Variants in ANKRD60 observed in about 807,000 individuals in gnomAD.
The protein encoded by ANKRD60 is ankyrin repeat domain 60, also known as ankyrin repeat domain-containing protein 60.
ANKRD60 carries 24 observed loss-of-function variants against 21.3 expected under a neutral mutation model. That is an observed-to-expected ratio of 1.13 (90% CI 0.82 to 1.59). The LOEUF (loss-of-function observed/expected upper bound fraction) is 1.59. ANKRD60 is among the 40% of genes most tolerant of loss of function. The probability of loss-of-function intolerance (pLI) is 0.00; values close to 1 mark genes in which losing one functional copy is unlikely to be tolerated. For missense variants in ANKRD60, 490 were observed against 466.7 expected, an observed-to-expected ratio of 1.05 and a Z score of -0.46; for synonymous variants, 182 against 199.4, an observed-to-expected ratio of 0.91 and a Z score of 0.74.
chr20:58,219,461 C>T (rs1050827227), intron 3 of ANKRD60, among the ~76,000 whole-genome samples: 1 of 152,132 alleles, frequency 6.6e-6, no homozygotes, highest in Admixed American at 6.5e-5. Context: ...ATCCCGAGCA[C>T]ATAGCTCAGT....
intron 3 of ANKRD60, among the ~76,000 whole-genome samples, chr20:58,220,183 G>C (rs903221185): frequency 2.6e-5 from 4 of 152,166 alleles, no homozygotes; most frequent in Non-Finnish European, 5.9e-5. Flanking sequence ...CATGGGAAAG[G>C]CCCCTCCTGA....
chr20:58,224,781 T>C (rs1436450410), intron 1 of ANKRD60, among the ~76,000 whole-genome samples: 1 of 152,244 alleles, frequency 6.6e-6, no homozygotes, highest in Non-Finnish European at 1.5e-5. Context: ...TCCCACATGC[T>C]GAACAGCCCC....
chr20:58,224,900 C>T lies in ANKRD60; in HGVS notation c.431-1718G>A, dbSNP rs146511447. 1.3e-4 allele frequency among the ~76,000 whole-genome samples: 20 copies of T among 152,272 alleles called. No individual in the cohort carries two copies. In the East Asian group the frequency reaches 1.7e-3, roughly 13 times the overall value. ...ATAAATTATCACAGTTGACAACAGA[C>T]GTGTAAGGGCAACCCTGGCCCATGG... On this transcript the variant is annotated intron_variant, in intron 1 of 3. Transcript: ENST00000457363.
intron 1 of ANKRD60, among the ~76,000 whole-genome samples, chr20:58,227,426 A>T (rs1298704728): frequency 6.6e-6 from 1 of 152,036 alleles, no homozygotes; most frequent in African/African-American, 2.4e-5. Context: ...TGAGGTAGTC[A>T]TGGGTAGCCT....
At chr20:58,217,201 G>C (rs1394654219), downstream of ANKRD60, among the ~76,000 whole-genome samples, 2 of 152,112 alleles carry the variant, frequency 1.3e-5, no homozygotes, top group Non-Finnish European at 2.9e-5. Flanking sequence ...GAGGCCGAGG[G>C]GGGCAGATCA....
Position 58,228,136 on chromosome 20 carries a change from G to GT in ANKRD60, c.430+87dup. 7.6e-7 allele frequency: 1 copy of GT among 1,323,000 alleles called. No individual in the cohort carries two copies. Among genetic ancestry groups the GT allele is most frequent in the East Asian group, 2.6e-5 (1 of 38,328 alleles). 82.0% of individuals were successfully genotyped at this position (1,323,000 alleles called of 1,614,324 possible). On this transcript the variant is annotated intron_variant, in intron 1 of 3. Coordinates refer to ENST00000457363, the Ensembl canonical transcript of ANKRD60. This position sits in a 1 kb window ranked among gnomAD's most constrained non-coding sequence, Gnocchi z 5.3. ...TGCTTTGACATCTGGGGTTTCTCACGTAAGCAGGCTTCCCTTTGGGAATCC... is the reference window on the plus strand; with the variant it reads ...TGCTTTGACATCTGGGGTTTCTCACGTTAAGCAGGCTTCCCTTTGGGAATCC...
chr20:58,219,687 A>G (rs142611036), intron 3 of ANKRD60, among the ~76,000 whole-genome samples: 67 of 152,356 alleles, frequency 4.4e-4, no homozygotes, highest in African/African-American at 1.5e-3. Context: ...TTCAGTAGCC[A>G]GTTTTTATGA....
At chr20:58,227,741 T>TA (rs1984394092) in intron 1 of ANKRD60, among the ~76,000 whole-genome samples, 1 of 152,134 alleles carries the variant, frequency 6.6e-6, no homozygotes, top group Non-Finnish European at 1.5e-5. Context: ...GGGTTTGCTT[T>TA]GAGTTTGGGG....
rs1984399360 is a variant in ANKRD60, at chr20:58,228,020, G to A, written c.430+204C>T. Among the ~76,000 whole-genome samples, 1 of 152,080 alleles carries A rather than the reference G, an allele frequency of 6.6e-6. No individual in the cohort carries two copies. Among genetic ancestry groups the A allele is most frequent in the Non-Finnish European group, 1.5e-5 (1 of 68,006 alleles). On this transcript the variant is annotated intron_variant, in intron 1 of 3. Coordinates refer to ENST00000457363, the Ensembl canonical transcript of ANKRD60. This position sits in a 1 kb window ranked among gnomAD's most constrained non-coding sequence, Gnocchi z 5.3. Reference sequence around the variant, plus strand: ...CCTTGATTGGGAGTCCAATTTGAACGCCGTGTGTTTGAGATTGGGAAGTCC... The same window carrying A: ...CCTTGATTGGGAGTCCAATTTGAACACCGTGTGTTTGAGATTGGGAAGTCC...
intron 3 of ANKRD60, among the ~76,000 whole-genome samples, chr20:58,219,624 G>T (rs923559185): frequency 5.9e-5 from 9 of 152,192 alleles, no homozygotes; most frequent in Non-Finnish European, 1.3e-4. Context: ...TCAAATTCTG[G>T]ATAACAAATA....
downstream of ANKRD60, among the ~76,000 whole-genome samples, chr20:58,216,178 A>C (rs55985440): frequency 0.038 from 5,825 of 152,308 alleles, 173 homozygotes; most frequent in Middle Eastern, 0.099. Flanking sequence ...AGACTTGTTG[A>C]ATATAAATAG....
rs920634345 is a variant in ANKRD60, at chr20:58,221,417, C to T, written c.648G>A (p.Thr216=). 3.7e-5 allele frequency: 58 copies of T among 1,552,210 alleles called. No individual in the cohort carries two copies. The African/African-American group carries it at 6.2e-4, about 16-fold the overall frequency. ...ACAACGCCACAAACGCCCTCTGAGA[C>T]GTCCAGTGCTTCCACTTCTCACCCT... is the stretch of plus-strand genomic sequence containing the variant. The change falls in exon 3 of 4, where the codon ACG becomes ACA. Residue 216 remains threonine, a synonymous_variant. Transcript: ENST00000457363.
At chr20:58,227,121 G>A (rs983683180) in intron 1 of ANKRD60, among the ~76,000 whole-genome samples, 1 of 152,042 alleles carries the variant, frequency 6.6e-6, no homozygotes, top group Non-Finnish European at 1.5e-5. Flanking sequence ...ACATGGTTGT[G>A]GAGGATTCGG....
intron 1 of ANKRD60, among the ~76,000 whole-genome samples, chr20:58,226,342 G>A (rs539876244): frequency 6.6e-6 from 1 of 152,234 alleles, no homozygotes; most frequent in East Asian, 1.9e-4. Flanking sequence ...GGGATCTGAT[G>A]TAGCCCCGAG....
At chr20:58,226,913 G>C (rs183699811) in intron 1 of ANKRD60, among the ~76,000 whole-genome samples, 1 of 152,220 alleles carries the variant, frequency 6.6e-6, no homozygotes, top group East Asian at 1.9e-4. Flanking sequence ...TGCACAAATG[G>C]TTAGTTGGAG....
intron 3 of ANKRD60, among the ~76,000 whole-genome samples, chr20:58,220,412 C>T (rs1568836633): frequency 6.6e-6 from 1 of 151,536 alleles, no homozygotes; most frequent in Non-Finnish European, 1.5e-5. Context: ...GAGTGTACAC[C>T]TATGGAATAC....
chr20:58,222,522 T>A (rs1984279817), intron 2 of ANKRD60, among the ~76,000 whole-genome samples: 1 of 152,194 alleles, frequency 6.6e-6, no homozygotes, highest in Non-Finnish European at 1.5e-5. Flanking sequence ...ATCTTCCCTG[T>A]TGGGTACACA....
At chr20:58,224,995 C>T (rs1001552078) in intron 1 of ANKRD60, among the ~76,000 whole-genome samples, 4 of 152,166 alleles carry the variant, frequency 2.6e-5, no homozygotes, top group African/African-American at 9.7e-5. Flanking sequence ...TCTCCCCCCG[C>T]CCCAAATTTT....
chr20:58,223,054 T>G, exon 2 of ANKRD60: 1 of 1,546,268 alleles, frequency 6.5e-7, no homozygotes, highest in Non-Finnish European at 8.7e-7. Flanking sequence ...GAAAACACCT[T>G]GCTGGGATCC....
Sources: gnomAD v4.1 joint callset for allele counts (sites outside exome capture counted in the v4.1 genomes callset) on GRCh38, gnomAD v4.1.1 for gene constraint, Gnocchi (gnomAD v3.1) non-coding constraint, MANE v1.5 for transcripts, NCBI Gene and HGNC (gene_info 2026-07-23, HGNC 2026-07-21) for gene names.